The following KIAA0232 variants were observed in gnomAD, a reference collection of about 807,000 sequenced individuals.
KIAA0232 encodes the protein uncharacterized protein KIAA0232.
A neutral mutation model predicts 122.0 loss-of-function variants in KIAA0232; 27 were observed. The ratio of observed to expected loss-of-function variants is 0.22; its 90% CI spans 0.16 to 0.31. The LOEUF is 0.31. Among genes scored for constraint, KIAA0232 ranks in the 10% least tolerant of loss-of-function variants. The probability of loss-of-function intolerance (pLI) is 1.00; values close to 1 mark genes in which losing one functional copy is unlikely to be tolerated. For missense variants in KIAA0232, 1,551 were observed against 1,634.2 expected, an observed-to-expected ratio of 0.95 and a Z score of 0.88; for synonymous variants, 613 against 587.6, an observed-to-expected ratio of 1.04 and a Z score of -0.63.
intron 9 of KIAA0232, among the ~76,000 whole-genome samples, chr4:6,878,727 C>T (rs73080551): frequency 0.017 from 2,581 of 152,280 alleles, 71 homozygotes; most frequent in African/African-American, 0.059. Context: ...CCTGTCTGGA[C>T]TGGGCTGTTG....
chr4:6,863,210 A>G lies in KIAA0232; in HGVS notation c.2828A>G (p.Asp943Gly). Reference sequence around the variant, plus strand: ...GGAGAACTCAAAACCTTCAATAGTGATGGGGAGTGGGCAGTCGTACCACCT... The same window carrying G: ...GGAGAACTCAAAACCTTCAATAGTGGTGGGGAGTGGGCAGTCGTACCACCT... ...VYGELKTFNS[D>G]GEWAVVPPSH... Residue 943 changes from aspartate (D) to glycine (G), a missense_variant, in exon 7 of 10, where the codon GAT becomes GGT. By Grantham distance (94) the Asp-to-Gly change is moderately conservative. Coordinates refer to ENST00000307659, the MANE Select transcript of KIAA0232 (RefSeq NM_014743.3). 3.1e-6 allele frequency: 5 copies of G among 1,613,980 alleles called. No homozygotes were observed. Among genetic ancestry groups the G allele is most frequent in the Non-Finnish European group, 4.2e-6 (5 of 1,180,038 alleles).
chr4:6,867,518 TGTC>T (rs1336844551), intron 7 of KIAA0232, among the ~76,000 whole-genome samples: 1 of 152,218 alleles, frequency 6.6e-6, no homozygotes, highest in Non-Finnish European at 1.5e-5. Flanking sequence ...AAAATGTTCT[TGTC>T]GTTTCTTTGG....
Position 6,881,708 on chromosome 4 carries a change from T to TA in KIAA0232, c.*743dup, listed in dbSNP as rs1722079454. 1 of 152,650 alleles carries TA rather than the reference T, an allele frequency of 6.6e-6. No homozygotes were observed. The highest frequency in any genetic ancestry group is 2.1e-4 in the South Asian group (1 of 4,828). The allele number at this position is 152,650 out of a possible 1,614,324, so 9.5% of individuals were successfully genotyped here. On this transcript the variant is annotated 3_prime_UTR_variant, in exon 10 of 10. Coordinates refer to ENST00000307659, the MANE Select transcript of KIAA0232 (RefSeq NM_014743.3). ...ATACCCCACCCCTTACCTGCTCTCA[T>TA]ACTGCAGTTACATTTACACCAAAAC...
intron 7 of KIAA0232, among the ~76,000 whole-genome samples, chr4:6,865,435 G>A (rs546348292): frequency 2.2e-4 from 33 of 152,314 alleles, no homozygotes; most frequent in African/African-American, 7.7e-4. Context: ...AAGTAGCTGG[G>A]ATTAAAGGCA....
At chr4:6,873,043 C>G (rs981791587) in intron 8 of KIAA0232, among the ~76,000 whole-genome samples, 1 of 152,192 alleles carries the variant, frequency 6.6e-6, no homozygotes, top group African/African-American at 2.4e-5. Context: ...GATTGAACAG[C>G]GTTTATTGAA....
chr4:6,867,453 G>C (rs569006400), intron 7 of KIAA0232, among the ~76,000 whole-genome samples: 38 of 152,368 alleles, frequency 2.5e-4, no homozygotes, highest in African/African-American at 9.1e-4. Flanking sequence ...ATACGGTTAA[G>C]AGTAGCACAG....
At chr4:6,871,277 A>T (rs2108830072) in intron 7 of KIAA0232, among the ~76,000 whole-genome samples, 1 of 152,242 alleles carries the variant, frequency 6.6e-6, no homozygotes, top group African/African-American at 2.4e-5. Context: ...TACAAAAAGC[A>T]CAAAAAATGA....
chr4:6,800,509 C>G (rs1197302904), intron 1 of KIAA0232, among the ~76,000 whole-genome samples: 1 of 151,288 alleles, frequency 6.6e-6, no homozygotes, highest in African/African-American at 2.4e-5. Flanking sequence ...TGGAGAAACC[C>G]CATCTCTACT....
chr4:6,878,379 T>TCATATATACATACATACATA lies in KIAA0232; in HGVS notation c.4008+1626_4008+1627insTATACATACATACATACATA, dbSNP rs57525303. On this transcript the variant is annotated intron_variant, in intron 9 of 9. Coordinates refer to ENST00000307659, the MANE Select transcript of KIAA0232 (RefSeq NM_014743.3). ...GACAGAGCAAAACTCCATCATTCAT[T>TCATATATACATACATACATA]CATACATACATACATACATACATAC... 9.4e-4 allele frequency among the ~76,000 whole-genome samples: 141 copies of TCATATATACATACATACATA among 149,318 alleles called. 2 individuals carry two copies. The highest frequency in any genetic ancestry group is 1.9e-3 in the African/African-American group (75 of 39,622).
intron 3 of KIAA0232, among the ~76,000 whole-genome samples, chr4:6,830,870 T>C (rs1455520289): frequency 6.6e-6 from 1 of 151,986 alleles, no homozygotes; most frequent in East Asian, 1.9e-4. Context: ...GTGACAAGAC[T>C]TGGGTGGCTA....
Position 6,861,700 on chromosome 4 carries a change from G to C in KIAA0232, c.1318G>C (p.Glu440Gln). The C allele has an allele frequency of 1.2e-6, 2 of 1,614,138 alleles. No homozygotes were observed. The highest frequency in any genetic ancestry group is 1.7e-6 in the Non-Finnish European group (2 of 1,180,034). ...TGATCTGACATCAGAGGCAGTGGAA[G>C]AATTGTCTGAATCAGTGCATGGTCT... ...TSDLTSEAVE[E>Q]LSESVHGLCI... is the part of the protein sequence containing the mutation. The change falls in exon 7 of 10, where the codon GAA (glutamate) becomes CAA (glutamine). Residue 440 changes from glutamate (E) to glutamine (Q), a missense_variant. By Grantham distance (29) the Glu-to-Gln change is conservative (BLOSUM62 2). Transcript: ENST00000307659.
intron 4 of KIAA0232, among the ~76,000 whole-genome samples, chr4:6,845,175 G>A (rs1719885379): frequency 6.6e-6 from 1 of 152,176 alleles, no homozygotes; most frequent in South Asian, 2.1e-4. Flanking sequence ...TGATTGGCTG[G>A]GCTTGAGCCA....
At chr4:6,872,346 C>T (rs977153426) in intron 8 of KIAA0232, among the ~76,000 whole-genome samples, 2 of 152,020 alleles carry the variant, frequency 1.3e-5, no homozygotes, top group Non-Finnish European at 2.9e-5. Flanking sequence ...GAAACAGGAC[C>T]GAGAGGTTTT....
chr4:6,883,875 A>G lies in KIAA0232; in HGVS notation c.*2909A>G, dbSNP rs1351454778. 6.6e-6 allele frequency: 1 copy of G among 152,224 alleles called. No homozygotes were observed. Among genetic ancestry groups the G allele is most frequent in the Non-Finnish European group, 1.5e-5 (1 of 68,032 alleles). The allele number at this position is 152,224 out of a possible 1,614,324, so 9.4% of individuals were successfully genotyped here. A position where few individuals can be genotyped will look rare whatever the true frequency, so the allele number is the denominator to read the frequency against. On this transcript the variant is annotated 3_prime_UTR_variant, in exon 10 of 10. Coordinates refer to ENST00000307659, the MANE Select transcript of KIAA0232 (RefSeq NM_014743.3). ...CTGAATGTACAGTATATATGAATGC[A>G]TACACAGAGAAATTTACATTCAAGA...
intron 9 of KIAA0232, among the ~76,000 whole-genome samples, chr4:6,879,428 A>G (rs538514348): frequency 6.6e-6 from 1 of 152,114 alleles, no homozygotes; most frequent in African/African-American, 2.4e-5. Flanking sequence ...TTGCTGTTGC[A>G]TTTGAGACAG....
At chr4:6,839,920 A>G (rs1719553705) in intron 3 of KIAA0232, among the ~76,000 whole-genome samples, 1 of 152,126 alleles carries the variant, frequency 6.6e-6, no homozygotes, top group Admixed American at 6.5e-5. Context: ...GGAGCGGCTC[A>G]TTTTTTAGGG....
intron 1 of KIAA0232, among the ~76,000 whole-genome samples, chr4:6,801,860 A>C (rs1717399404): frequency 6.6e-6 from 1 of 152,202 alleles, no homozygotes; most frequent in East Asian, 1.9e-4. Context: ...GCATGTGCTG[A>C]AATCATACTC....
intron 6 of KIAA0232, among the ~76,000 whole-genome samples, chr4:6,859,605 T>C (rs545918635): frequency 3.3e-5 from 5 of 152,362 alleles, no homozygotes; most frequent in African/African-American, 7.2e-5. Flanking sequence ...CTATTTCTTA[T>C]GTTTTTAATG....
At chr4:6,848,450 G>T (rs2108758549) in intron 4 of KIAA0232, among the ~76,000 whole-genome samples, 1 of 152,264 alleles carries the variant, frequency 6.6e-6, no homozygotes, top group Admixed American at 6.5e-5. Context: ...AACACATACA[G>T]ACTTTTTTCC....
Sources: gnomAD v4.1 joint callset for allele counts (sites outside exome capture counted in the v4.1 genomes callset) on GRCh38, gnomAD v4.1.1 for gene constraint, MANE v1.5 for transcripts, NCBI Gene and HGNC (gene_info 2026-07-23, HGNC 2026-07-21) for gene names.